PSD3: variants seen among roughly 807,000 people sequenced by gnomAD.
PSD3 encodes PH and SEC7 domain-containing protein 3.
A neutral mutation model predicts 105.5 loss-of-function variants in PSD3; 49 were observed. The observed-to-expected ratio is 0.46, with a 90% CI of 0.37 to 0.59. The LOEUF (loss-of-function observed/expected upper bound fraction) is 0.59. Ranked by LOEUF, PSD3 falls within the 20% of genes least tolerant of loss-of-function variation. The probability of loss-of-function intolerance (pLI) is 0.00; values close to 1 mark genes in which losing one functional copy is unlikely to be tolerated. For synonymous variants in PSD3, 557 were observed against 457.8 expected, an observed-to-expected ratio of 1.22 and a Z score of -2.77; for missense variants, 1,561 against 1,263.8, an observed-to-expected ratio of 1.24 and a Z score of -3.57.
intron 1 of PSD3, among the ~76,000 whole-genome samples, chr8:18,990,802 T>A (rs1825749013): frequency 6.6e-6 from 1 of 152,154 alleles, no homozygotes; most frequent in Admixed American, 6.5e-5. Context: ...GATCTGTAAT[T>A]CCCCTGATGA....
At chr8:18,537,096 G>T (rs536861025) in intron 15 of PSD3, among the ~76,000 whole-genome samples, 4 of 152,278 alleles carry the variant, frequency 2.6e-5, no homozygotes, top group African/African-American at 9.6e-5. Flanking sequence ...TTTAACAATG[G>T]GAAAAAGCTG....
intron 1 of PSD3, among the ~76,000 whole-genome samples, chr8:19,003,153 A>T (rs989247437): frequency 6.6e-6 from 1 of 152,060 alleles, no homozygotes; most frequent in African/African-American, 2.4e-5. Context: ...AGACTATCCA[A>T]TTCAAGGGCA....
intron 1 of PSD3, among the ~76,000 whole-genome samples, chr8:18,961,108 C>A (rs1264982510): frequency 6.6e-6 from 1 of 151,504 alleles, no homozygotes; most frequent in Non-Finnish European, 1.5e-5. Context: ...AACAAACAAA[C>A]AAAAAGACTA....
At chr8:18,536,833 T>G (rs1011821234) in intron 15 of PSD3, among the ~76,000 whole-genome samples, 1 of 152,212 alleles carries the variant, frequency 6.6e-6, no homozygotes, top group East Asian at 1.9e-4. Flanking sequence ...GGGTCTCAGA[T>G]TCTTAATTTG....
intron 8 of PSD3, among the ~76,000 whole-genome samples, chr8:18,792,401 T>A (rs917473794): frequency 6.6e-6 from 1 of 152,198 alleles, no homozygotes; most frequent in South Asian, 2.1e-4. Flanking sequence ...AATGAGATCA[T>A]GTCCTTTACA....
At chr8:18,720,302 G>A (rs190817045) in intron 9 of PSD3, among the ~76,000 whole-genome samples, 1 of 152,280 alleles carries the variant, frequency 6.6e-6, no homozygotes, top group Admixed American at 6.5e-5. Context: ...TGAACCACCA[G>A]ATGTTTACTG....
intron 9 of PSD3, among the ~76,000 whole-genome samples, chr8:18,762,670 A>T (rs1806639112): frequency 6.6e-6 from 1 of 152,344 alleles, no homozygotes; most frequent in African/African-American, 2.4e-5. Flanking sequence ...TAAACAACGA[A>T]AGCTGCAATG....
At chr8:18,546,058 T>G (rs2130027533) in intron 15 of PSD3, among the ~76,000 whole-genome samples, 1 of 152,350 alleles carries the variant, frequency 6.6e-6, no homozygotes, top group Non-Finnish European at 1.5e-5. Context: ...TATAGTGCAA[T>G]GGTGCGATCT....
At chr8:18,573,180 T>C (rs547155840) in intron 13 of PSD3, among the ~76,000 whole-genome samples, 1 of 152,190 alleles carries the variant, frequency 6.6e-6, no homozygotes, top group South Asian at 2.1e-4. Context: ...AATAAAAACA[T>C]ATAGATATGC....
chr8:19,032,649 CAAA>C (rs59029468), intron 1 of PSD3, among the ~76,000 whole-genome samples: 13 of 108,234 alleles, frequency 1.2e-4, no homozygotes, highest in Non-Finnish European at 9.5e-5. Context: ...GACTCTGTCT[CAAA>C]AAAAAAAAAA....
At chr8:18,965,894 T>C (rs1470158663) in intron 1 of PSD3, among the ~76,000 whole-genome samples, 3 of 152,202 alleles carry the variant, frequency 2.0e-5, no homozygotes, top group African/African-American at 7.2e-5. Flanking sequence ...AAGCTCCTGG[T>C]AATATAACAC....
intron 11 of PSD3, among the ~76,000 whole-genome samples, chr8:18,616,013 C>T (rs74580877): frequency 7.3e-6 from 1 of 136,930 alleles, no homozygotes; most frequent in Non-Finnish European, 1.6e-5. Context: ...ATCTGTTCTC[C>T]AAGGAATATA....
chr8:18,828,877 T>A (rs915142065), intron 4 of PSD3, among the ~76,000 whole-genome samples: 1 of 152,058 alleles, frequency 6.6e-6, no homozygotes, highest in African/African-American at 2.4e-5. Context: ...GGCAAGCAGA[T>A]CACATGAGGC....
intron 9 of PSD3, among the ~76,000 whole-genome samples, chr8:18,744,693 C>T (rs140905653): frequency 2.9e-3 from 443 of 152,292 alleles, no homozygotes; most frequent in African/African-American, 0.01. Context: ...TAACATCTTA[C>T]GTAACCATCA....
intron 14 of PSD3, among the ~76,000 whole-genome samples, chr8:18,562,287 C>T (rs751001581): frequency 2.6e-5 from 4 of 152,164 alleles, no homozygotes; most frequent in Non-Finnish European, 5.9e-5. Flanking sequence ...CCTTTCTACC[C>T]TCTTTGTCTT....
At chr8:18,822,092 T>C (rs540465398) in intron 4 of PSD3, among the ~76,000 whole-genome samples, 1 of 152,334 alleles carries the variant, frequency 6.6e-6, no homozygotes, top group Non-Finnish European at 1.5e-5. Flanking sequence ...TTGATAATTT[T>C]TTGTTTACTT....
chr8:19,012,048 T>C (rs1225120316), intron 1 of PSD3, among the ~76,000 whole-genome samples: 2 of 151,468 alleles, frequency 1.3e-5, no homozygotes, highest in African/African-American at 4.9e-5. Context: ...CAGGAAACTG[T>C]AGCGACAGAA....
At chr8:18,604,498 C>G (rs183955839) in intron 11 of PSD3, among the ~76,000 whole-genome samples, 3 of 151,048 alleles carry the variant, frequency 2.0e-5, no homozygotes, top group African/African-American at 7.3e-5. Flanking sequence ...AAAAGAGAAG[C>G]CGAGCATAAA....
In PSD3 at chr8:18,610,617, C is replaced by G. The variant is rs138509069; in HGVS notation, c.2411-10183G>C. On this transcript the variant is annotated intron_variant, in intron 11 of 15. Transcript: ENST00000327040. ...GGCTGAAGCTTTTCTTTTAACAGAA[C>G]CTATACCTATTGCTTTTCCCAGAAA... 1.4e-4 allele frequency among the ~76,000 whole-genome samples: 21 copies of G among 152,250 alleles called. No homozygotes were observed. In the East Asian group the frequency reaches 3.7e-3, roughly 27 times the overall value.
Sources: gnomAD v4.1 joint callset for allele counts (sites outside exome capture counted in the v4.1 genomes callset) on GRCh38, gnomAD v4.1.1 for gene constraint, MANE v1.5 for transcripts, NCBI Gene and HGNC (gene_info 2026-07-23, HGNC 2026-07-21) for gene names.